CC2D2B: variants seen among roughly 807,000 people sequenced by gnomAD.
CC2D2B encodes the protein protein CC2D2B.
In CC2D2B, 128 loss-of-function variants were observed where a neutral mutation model predicts 161.2. The ratio of observed to expected loss-of-function variants is 0.79; its 90% CI spans 0.69 to 0.92. The LOEUF (loss-of-function observed/expected upper bound fraction) is 0.92. CC2D2B is among the 40% of genes least tolerant of loss of function. CC2D2B has a pLI of 0.00. For synonymous variants in CC2D2B, 391 were observed against 449.8 expected (o/e 0.87, Z 1.65); for missense variants, 1,173 against 1,375.1 (o/e 0.85, Z 2.32).
rs2078360856 is a variant in CC2D2B at position 95,999,195 on chromosome 10, A to G, written c.2849+2943A>G. Among the ~76,000 whole-genome samples the G allele has an allele frequency of 3.9e-5, 6 of 152,264 alleles. No individual in the cohort carries two copies. The South Asian group carries it at 1.2e-3, about 32-fold the overall frequency. ...CAGTTGACACATAAAATTAGCCATC[A>G]TAGTCATATAGTTGGAATCATACAG... On this transcript the variant is annotated intron_variant, in intron 24 of 34. Transcript: ENST00000646931.
chr10:95,967,478 C>A (rs949796890), intron 14 of CC2D2B, among the ~76,000 whole-genome samples: 19 of 152,082 alleles, frequency 1.2e-4, no homozygotes, highest in Middle Eastern at 3.4e-3. Flanking sequence ...TTAACACACC[C>A]AGTAGAATAA....
intron 6 of CC2D2B, 21 bp downstream of exon 6, chr10:95,927,353 T>A: frequency 1.6e-6 from 2 of 1,254,084 alleles, no homozygotes; most frequent in Non-Finnish European, 2.3e-6. Flanking sequence ...TTTGCCTCCC[T>A]CCCACCATCT....
In CC2D2B at chr10:95,919,258, T is replaced by C. The variant is rs555259472; in HGVS notation, c.37-2758T>C. On this transcript the variant is annotated intron_variant, in intron 2 of 34. Coordinates refer to ENST00000646931, the MANE Select transcript of CC2D2B (RefSeq NM_001349008.3). ...AGTCTGGGTTTGTTTGTACCCAACT[T>C]TCTAGAGAAGGATTAGTAAGTATTC... 34 of 152,314 alleles carry C rather than the reference T, an allele frequency of 2.2e-4. No homozygotes were observed. The East Asian group carries it at 3.9e-3, about 17-fold the overall frequency. 9.4% of individuals were successfully genotyped at this position (152,314 alleles called of 1,614,324 possible). A position where few individuals can be genotyped will look rare whatever the true frequency, so the allele number is the denominator to read the frequency against.
rs778721246 is a variant in CC2D2B, at chr10:95,934,775, A to C, written c.337-3216A>C. On this transcript the variant is annotated intron_variant, in intron 6 of 34. Coordinates refer to ENST00000646931, the MANE Select transcript of CC2D2B (RefSeq NM_001349008.3). ...AGGTACCTCAGTTGGAAATGTAGAC[A>C]TCACCGGCCTTCTGCGTTAGTCTTG... is the stretch of plus-strand genomic sequence containing the variant. Among the ~76,000 whole-genome samples, 6 of 152,224 alleles carry C rather than the reference A, an allele frequency of 3.9e-5. 1 individual carries two copies. Among genetic ancestry groups the C allele is most frequent in the Non-Finnish European group, 7.3e-5 (5 of 68,042 alleles).
intron 9 of CC2D2B, among the ~76,000 whole-genome samples, chr10:95,947,113 A>ATATTTTTT (rs1289243570): frequency 4.1e-5 from 2 of 48,386 alleles, no homozygotes; most frequent in African/African-American, 9.3e-5. Context: ...ATATATATAT[A>ATATTTTTT]TTTTTTTTTT....
At chr10:95,913,712 G>C (rs1391554498) in intron 2 of CC2D2B, among the ~76,000 whole-genome samples, 1 of 152,082 alleles carries the variant, frequency 6.6e-6, no homozygotes, top group Non-Finnish European at 1.5e-5. Context: ...TTCTCTAATG[G>C]TCAATGATGT....
rs2078001176 is a variant in CC2D2B, at chr10:95,992,645, G to C, written c.2590G>C (p.Val864Leu). 8.1e-7 allele frequency: 1 copy of C among 1,234,248 alleles called. No individual in the cohort carries two copies. The highest frequency in any genetic ancestry group is 1.0e-6 in the Non-Finnish European group (1 of 988,074). The allele number at this position is 1,234,248 out of a possible 1,614,324, so 76.5% of individuals were successfully genotyped here. The change falls in exon 22 of 35, where the codon GTC becomes CTC. Residue 864 changes from valine (V) to leucine (L), a missense_variant. By Grantham distance (32) the Val-to-Leu change is conservative. Coordinates refer to ENST00000646931, the MANE Select transcript of CC2D2B (RefSeq NM_001349008.3). ...CTCTGACGGAGATATTAAGATTCTT[G>C]TCCGAATAGTGAGGGCCTATAATAT... ...AISDGDIKIL[V>L]RIVRAYNIPT... is the part of the protein sequence containing the mutation.
intron 6 of CC2D2B, among the ~76,000 whole-genome samples, chr10:95,931,105 T>C (rs1323381001): frequency 6.6e-6 from 1 of 152,198 alleles, no homozygotes; most frequent in African/African-American, 2.4e-5. Context: ...CTTCCTGGTA[T>C]AGTCTTGGGA....
intron 30 of CC2D2B, among the ~76,000 whole-genome samples, chr10:96,017,814 C>A (rs968574304): frequency 6.6e-6 from 1 of 151,996 alleles, no homozygotes; most frequent in Non-Finnish European, 1.5e-5. Context: ...CTGACACATA[C>A]CTGTGGTCCC....
intron 32 of CC2D2B, among the ~76,000 whole-genome samples, chr10:96,023,839 CAGT>C (rs752123863): frequency 2.7e-4 from 41 of 152,328 alleles, no homozygotes; most frequent in Non-Finnish European, 4.0e-4. Flanking sequence ...GTTCCTGATT[CAGT>C]AGTTCTCAGG....
intron 11 of CC2D2B, chr10:95,961,537 A>T (rs964217363): frequency 1.1e-5 from 2 of 185,286 alleles, no homozygotes; most frequent in Non-Finnish European, 2.2e-5. Flanking sequence ...AAAAGAAAAA[A>T]AAATCTCGTA....
At chr10:96,007,293 C>G (rs1274950334) in intron 25 of CC2D2B, among the ~76,000 whole-genome samples, 1 of 152,016 alleles carries the variant, frequency 6.6e-6, no homozygotes, top group East Asian at 1.9e-4. Context: ...TTTTCTTTTC[C>G]TGTGTTAGTT....
chr10:95,911,969 G>A (rs2141098756), intron 2 of CC2D2B, among the ~76,000 whole-genome samples: 1 of 152,320 alleles, frequency 6.6e-6, no homozygotes, highest in Middle Eastern at 3.4e-3. Context: ...ATTGTAGTCT[G>A]TGTTGACCTT....
In CC2D2B at chr10:95,992,616, C is replaced by A. The variant is rs934327044; in HGVS notation, c.2561C>A (p.Ala854Glu). 3 of 1,233,934 alleles carry A rather than the reference C, an allele frequency of 2.4e-6. No homozygotes were observed. Among genetic ancestry groups the A allele is most frequent in the African/African-American group, 3.1e-5 (2 of 64,454 alleles). 76.4% of individuals were successfully genotyped at this position (1,233,934 alleles called of 1,614,324 possible). ...GAAAGGAAAAAAGTCACAGCGCAGGCGATCTCTGACGGAGATATTAAGATT... is the reference window on the plus strand; with the variant it reads ...GAAAGGAAAAAAGTCACAGCGCAGGAGATCTCTGACGGAGATATTAAGATT... Reference protein sequence around the residue: ...RKERKKVTAQAISDGDIKILV... With the variant: ...RKERKKVTAQEISDGDIKILV... Residue 854 changes from alanine (A) to glutamate (E), a missense_variant, in exon 22 of 35, where the codon GCG becomes GAG. Physicochemically the swap from Ala to Glu is moderately radical, Grantham distance 107 (BLOSUM62 -1). Around this residue, in one of 3 missense-constraint regions of CC2D2B, gnomAD observed 598 missense variants for 693.2 expected, o/e 0.86. Coordinates refer to ENST00000646931, the MANE Select transcript of CC2D2B (RefSeq NM_001349008.3).
chr10:95,930,414 C>T (rs1437395892), intron 6 of CC2D2B, among the ~76,000 whole-genome samples: 1 of 152,164 alleles, frequency 6.6e-6, no homozygotes, highest in Non-Finnish European at 1.5e-5. Context: ...TTTCCCTGGT[C>T]AGAACTTCCA....
intron 15 of CC2D2B, among the ~76,000 whole-genome samples, chr10:95,970,952 A>T (rs975894350): frequency 6.6e-5 from 10 of 152,302 alleles, no homozygotes; most frequent in Non-Finnish European, 7.4e-5. Flanking sequence ...TTCTTGGCTA[A>T]TAAGTCATCA....
chr10:96,005,429 T>C (rs1038850484), intron 25 of CC2D2B, among the ~76,000 whole-genome samples: 2 of 152,130 alleles, frequency 1.3e-5, no homozygotes, highest in African/African-American at 4.8e-5. Context: ...ATGGACAAGG[T>C]TTTAGGGTAG....
At chr10:95,983,857 G>A (rs762394188) in intron 19 of CC2D2B, 48 bp downstream of exon 19, 10 of 846,528 alleles carry the variant, frequency 1.2e-5, no homozygotes, top group African/African-American at 1.8e-5. Context: ...TAAAGTTAAC[G>A]TTTTGCTGCT....
At chr10:96,006,423 T>C (rs1480728405) in intron 25 of CC2D2B, among the ~76,000 whole-genome samples, 2 of 151,338 alleles carry the variant, frequency 1.3e-5, no homozygotes, top group African/African-American at 4.8e-5. Flanking sequence ...AACAGTCTTC[T>C]AATACTGTAT....
Sources: allele counts gnomAD v4.1 joint callset (sites outside exome capture counted in the v4.1 genomes callset), GRCh38; gene constraint gnomAD v4.1.1; regional missense constraint gnomAD v4.1.1; transcripts MANE v1.5; gene names NCBI Gene and HGNC (gene_info 2026-07-23, HGNC 2026-07-21).